The following RBAK variants were observed in gnomAD, a reference collection of about 807,000 sequenced individuals.
RBAK encodes RB-associated KRAB zinc finger protein.
A neutral mutation model predicts 65.8 loss-of-function variants in RBAK; 39 were observed. The ratio of observed to expected loss-of-function variants is 0.59; its 90% confidence interval spans 0.46 to 0.77. RBAK has a LOEUF of 0.77. Among genes scored for constraint, RBAK ranks in the 30% least tolerant of loss-of-function variants. RBAK has a pLI of 0.00. For missense variants in RBAK, 884 were observed against 855.1 expected (o/e 1.03, Z -0.42); for synonymous variants, 343 against 289.7 (o/e 1.18, Z -1.87).
At position 5,045,906 on chromosome 7, in the gene RBAK, TC is replaced by T; in HGVS notation, c.-532del. ...TCCTCAGGTCACCGCTTGCTCTAGT[TC>T]CCAGGCTTTGGCCTCCAGTGGACGA... On this transcript the variant is annotated 5_prime_UTR_variant, in exon 1 of 5. Transcript: ENST00000396912. 3 of 350,806 alleles carry T rather than the reference TC, an allele frequency of 8.6e-6. No homozygotes were observed. The highest frequency in any genetic ancestry group is 4.1e-5 in the South Asian group (2 of 48,936). 21.7% of individuals were successfully genotyped at this position (350,806 alleles called of 1,614,324 possible).
intron 4 of RBAK, among the ~76,000 whole-genome samples, chr7:5,058,640 C>G (rs936014523): frequency 1.3e-5 from 2 of 152,130 alleles, no homozygotes; most frequent in African/African-American, 4.8e-5. Context: ...TATAGCACTC[C>G]CTCAGCCTTC....
intron 3 of RBAK, 71 bp from the exon 4 acceptor site, chr7:5,057,613 C>G: frequency 1.9e-6 from 3 of 1,602,800 alleles, no homozygotes; most frequent in Non-Finnish European, 2.6e-6. Context: ...TATGAGGTGG[C>G]AACATCTTGT....
intron 2 of RBAK, among the ~76,000 whole-genome samples, chr7:5,051,402 T>A (rs932032691): frequency 6.6e-6 from 1 of 152,146 alleles, no homozygotes; most frequent in African/African-American, 2.4e-5. Flanking sequence ...TCATGCCTCT[T>A]TACCTTATAA....
intron 4 of RBAK, among the ~76,000 whole-genome samples, chr7:5,061,453 CTTTT>C (rs56688573): frequency 7.5e-6 from 1 of 133,840 alleles, no homozygotes. Flanking sequence ...TTTTCTTTTT[CTTTT>C]TTTTTTTTTT....
rs1779156350 is a variant in RBAK at position 5,064,156 on chromosome 7, G to A, written c.700G>A (p.Glu234Lys). ...KRAYIGEKPY[E>K]WNDSGPDFIQ... ...AGCTTACATAGGGGAGAAGCCCTAT[G>A]AGTGGAATGATTCTGGACCAGACTT... Residue 234 changes from glutamate to lysine, a missense_variant, in exon 5 of 5, where the codon GAG (glutamate) becomes AAG (lysine). Transcript: ENST00000396912. The surrounding 1 kb of genome is among the most constrained non-coding windows in gnomAD (Gnocchi z 6.3). 2 of 1,613,862 alleles carry A rather than the reference G, an allele frequency of 1.2e-6. No individual in the cohort carries two copies. Among genetic ancestry groups the A allele is most frequent in the Middle Eastern group, 1.6e-4 (1 of 6,062 alleles).
intron 4 of RBAK, among the ~76,000 whole-genome samples, chr7:5,060,994 T>C (rs1203595835): frequency 1.3e-5 from 2 of 152,212 alleles, no homozygotes; most frequent in Admixed American, 6.5e-5. Context: ...TTACACCAAA[T>C]GAAACCCAGG....
At chr7:5,062,619 G>A (rs1026489161) in intron 4 of RBAK, among the ~76,000 whole-genome samples, 5 of 152,240 alleles carry the variant, frequency 3.3e-5, no homozygotes, top group South Asian at 2.1e-4. Flanking sequence ...GAGAGCAACC[G>A]GTCTGACCAA....
intron 2 of RBAK, among the ~76,000 whole-genome samples, chr7:5,055,669 T>C (rs939954429): frequency 2.6e-5 from 4 of 152,224 alleles, no homozygotes; most frequent in South Asian, 2.1e-4. Context: ...TTTTGGGTTT[T>C]TGTATTGATG....
At chr7:5,052,913 C>G (rs7798073) in intron 2 of RBAK, among the ~76,000 whole-genome samples, 16,199 of 152,078 alleles carry the variant, frequency 0.11, 969 homozygotes, top group African/African-American at 0.15. Context: ...ACACCCACCA[C>G]CACACCCGGC....
intron 4 of RBAK, among the ~76,000 whole-genome samples, chr7:5,061,897 A>C (rs546601233): frequency 9.5e-5 from 14 of 146,776 alleles, no homozygotes; most frequent in African/African-American, 3.6e-4. Flanking sequence ...GACTCCATCT[A>C]CAAAAAAAAA....
chr7:5,053,599 A>G (rs537685880), intron 2 of RBAK, among the ~76,000 whole-genome samples: 162 of 152,198 alleles, frequency 1.1e-3, no homozygotes, highest in African/African-American at 3.8e-3. Context: ...TGTTGCCTGT[A>G]TATTAGGCCA....
intron 2 of RBAK, among the ~76,000 whole-genome samples, chr7:5,050,079 C>T (rs1436741548): frequency 1.3e-5 from 2 of 152,178 alleles, no homozygotes; most frequent in Non-Finnish European, 2.9e-5. Context: ...TCAAGCAATC[C>T]TTTCACTTTG....
chr7:5,054,925 A>G (rs1381636946), intron 2 of RBAK, among the ~76,000 whole-genome samples: 1 of 151,984 alleles, frequency 6.6e-6, no homozygotes, highest in Non-Finnish European at 1.5e-5. Context: ...GTTGACCTTA[A>G]TAATACAACT....
rs755562530 is a variant in RBAK at position 5,064,832 on chromosome 7, G to A, written c.1376G>A (p.Cys459Tyr). The change falls in exon 5 of 5, where the codon TGT (cysteine) becomes TAT (tyrosine). Residue 459 changes from cysteine (C) to tyrosine (Y), a missense_variant. By Grantham distance (194) the Cys-to-Tyr change is radical. Transcript: ENST00000396912. This position sits in a 1 kb window ranked among gnomAD's most constrained non-coding sequence, Gnocchi z 6.3. ...RSHLEEKPYE[C>Y]NECGKTFNLN... ...CATTTAGAAGAGAAACCCTATGAATGTAATGAATGTGGCAAAACCTTCAAT... is the reference window on the plus strand; with the variant it reads ...CATTTAGAAGAGAAACCCTATGAATATAATGAATGTGGCAAAACCTTCAAT... 2.5e-6 allele frequency: 4 copies of A among 1,613,988 alleles called. No individual in the cohort carries two copies. The African/African-American group carries it at 4.0e-5, about 16-fold the overall frequency.
At chr7:5,058,681 G>C (rs1336318425) in intron 4 of RBAK, among the ~76,000 whole-genome samples, 1 of 152,154 alleles carries the variant, frequency 6.6e-6, no homozygotes, top group African/African-American at 2.4e-5. Flanking sequence ...TGACCCGTCT[G>C]TGTGTTCATT....
At chr7:5,060,990 C>G (rs931400141) in intron 4 of RBAK, among the ~76,000 whole-genome samples, 2 of 152,072 alleles carry the variant, frequency 1.3e-5, no homozygotes, top group African/African-American at 4.8e-5. Flanking sequence ...GATTTTACAC[C>G]AAATGAAACC....
intron 4 of RBAK, among the ~76,000 whole-genome samples, chr7:5,060,128 T>G (rs1779034543): frequency 6.6e-6 from 1 of 152,242 alleles, no homozygotes; most frequent in Non-Finnish European, 1.5e-5. Context: ...TGCTTGAGCT[T>G]CTTCTACCGA....
chr7:5,060,834 T>C (rs972809056), intron 4 of RBAK, among the ~76,000 whole-genome samples: 2 of 152,166 alleles, frequency 1.3e-5, no homozygotes, highest in Non-Finnish European at 2.9e-5. Context: ...AGCTCAGAGA[T>C]GTTGTAGATT....
Position 5,046,018 on chromosome 7 carries a change from G to C in RBAK, c.-423G>C, listed in dbSNP as rs1422678781. 3.6e-6 allele frequency: 1 copy of C among 274,020 alleles called. No homozygotes were observed. The highest frequency in any genetic ancestry group is 7.0e-6 in the Non-Finnish European group (1 of 143,292). 17.0% of individuals were successfully genotyped at this position (274,020 alleles called of 1,614,324 possible). ...GGGGTGTGCAGGCCAGGGTTCGCGC[G>C]GGCCGGGTGGAGGCTTGAGCGGGGA... is the stretch of plus-strand genomic sequence containing the variant. On this transcript the variant is annotated 5_prime_UTR_variant, in exon 1 of 5. Coordinates refer to ENST00000396912, the MANE Select transcript of RBAK (RefSeq NM_021163.4).
Sources: allele counts gnomAD v4.1 joint callset (sites outside exome capture counted in the v4.1 genomes callset), GRCh38; gene constraint gnomAD v4.1.1; non-coding constraint Gnocchi (gnomAD v3.1); transcripts MANE v1.5; gene names NCBI Gene and HGNC (gene_info 2026-07-23, HGNC 2026-07-21).